CCDC112: variants seen among roughly 807,000 people sequenced by gnomAD.
CCDC112 encodes the protein coiled-coil domain containing 112, also known as coiled-coil domain-containing protein 112.
Under a neutral mutation model 66.3 loss-of-function variants are expected in CCDC112, and 40 were observed. That is an observed-to-expected ratio of 0.60 (90% CI 0.47 to 0.79). The LOEUF is 0.79. Among genes scored for constraint, CCDC112 ranks in the 30% least tolerant of loss-of-function variants. CCDC112 has a pLI of 0.00. For missense variants in CCDC112, 659 were observed against 603.8 expected (o/e 1.09, Z -0.96); for synonymous variants, 214 against 197.2 (o/e 1.09, Z -0.71).
At chr5:115,296,380 A>C in intron 1 of CCDC112, 47 bp downstream of exon 1, 2 of 1,538,280 alleles carry the variant, frequency 1.3e-6, no homozygotes, top group African/African-American at 2.9e-5. Context: ...CAGGGCCTGC[A>C]GCCCCTCGCC....
intron 1 of CCDC112, among the ~76,000 whole-genome samples, chr5:115,288,785 T>C (rs1169745813): frequency 2.0e-5 from 3 of 152,150 alleles, no homozygotes; most frequent in Non-Finnish European, 4.4e-5. Flanking sequence ...TACCAAAAAA[T>C]AAACAACCAG....
chr5:115,281,025 A>AC (rs553181047), intron 2 of CCDC112, among the ~76,000 whole-genome samples: 1 of 140,336 alleles, frequency 7.1e-6, no homozygotes, highest in East Asian at 2.1e-4. Flanking sequence ...TACATAGAGA[A>AC]TTTTTTTTTT....
chr5:115,278,042 C>A (rs866101811), intron 3 of CCDC112, among the ~76,000 whole-genome samples: 5 of 152,090 alleles, frequency 3.3e-5, no homozygotes, highest in Admixed American at 2.6e-4. Context: ...TATATGACAA[C>A]TTTGGCTTGT....
At position 115,290,883 on chromosome 5, in the gene CCDC112, G is replaced by T. The variant is rs553936016; in HGVS notation, c.117+5544C>A. ...ATTAGTTTTCTAGTAAGTTTTTTTT[G>T]TGTGTGTGTGAATCCCTTAGAATTT... On this transcript the variant is annotated intron_variant, in intron 1 of 9. Transcript: ENST00000379611. Among the ~76,000 whole-genome samples the T allele has an allele frequency of 1.1e-3, 161 of 151,746 alleles. 1 individual carries two copies. Among genetic ancestry groups the T allele is most frequent in the Non-Finnish European group, 1.8e-3 (125 of 67,824 alleles).
At chr5:115,284,995 G>T (rs1749617087) in intron 1 of CCDC112, 87 bp from the exon 2 acceptor site, 1 of 1,277,440 alleles carries the variant, frequency 7.8e-7, no homozygotes, top group African/African-American at 1.5e-5. Context: ...AATGTCAATA[G>T]TTGAGTTTCT....
intron 2 of CCDC112, 82 bp from the exon 3 acceptor site, chr5:115,279,850 G>A (rs139710151): frequency 3.6e-5 from 27 of 753,788 alleles, no homozygotes; most frequent in Middle Eastern, 4.0e-4. Context: ...TCAATAATCC[G>A]TATTTTATAT....
At chr5:115,271,895 G>A (rs75742647) in intron 6 of CCDC112, among the ~76,000 whole-genome samples, 4,543 of 150,050 alleles carry the variant, frequency 0.03, 119 homozygotes, top group Middle Eastern at 0.062. Flanking sequence ...TACAACTCAT[G>A]AATGATCCTT....
At position 115,291,885 on chromosome 5, in the gene CCDC112, C is replaced by T. The variant is rs527683532; in HGVS notation, c.117+4542G>A. On this transcript the variant is annotated intron_variant, in intron 1 of 9. Transcript: ENST00000379611. ...AGCTGTTAATCTTATTGAGGAATTC[C>T]TTATATGTAATGAACTGTTTCTTTC... is the stretch of plus-strand genomic sequence containing the variant. Among the ~76,000 whole-genome samples, 4 of 152,130 alleles carry T rather than the reference C, an allele frequency of 2.6e-5. No homozygotes were observed. In the South Asian group the frequency reaches 8.3e-4, roughly 32 times the overall value.
At chr5:115,286,561 C>T (rs1258320107) in intron 1 of CCDC112, among the ~76,000 whole-genome samples, 1 of 152,128 alleles carries the variant, frequency 6.6e-6, no homozygotes, top group Non-Finnish European at 1.5e-5. Flanking sequence ...ATATACCTAG[C>T]AGCAGAATTT....
At chr5:115,270,358 C>T (rs536627581) in intron 7 of CCDC112, among the ~76,000 whole-genome samples, 1 of 152,280 alleles carries the variant, frequency 6.6e-6, no homozygotes, top group African/African-American at 2.4e-5. Flanking sequence ...ATGCACATAA[C>T]AATTCATAAA....
At chr5:115,283,253 T>C (rs945001397) in intron 2 of CCDC112, among the ~76,000 whole-genome samples, 6 of 152,096 alleles carry the variant, frequency 3.9e-5, no homozygotes, top group African/African-American at 7.2e-5. Context: ...ACTTGTACCC[T>C]TTGACCAACA....
chr5:115,285,050 C>T lies in CCDC112; in HGVS notation c.118-142G>A, dbSNP rs1749619410. On this transcript the variant is annotated intron_variant, in intron 1 of 9. Transcript: ENST00000379611. ...CAATCTCACTTAACTCTTAAAAGTA[C>T]ATTTGTGGAAGAAGGAGTATCTATC... The T allele has an allele frequency of 4.6e-6, 3 of 655,406 alleles. No homozygotes were observed. In the East Asian group the frequency reaches 8.1e-5, roughly 18 times the overall value. 40.6% of individuals were successfully genotyped at this position (655,406 alleles called of 1,614,324 possible). A position where few individuals can be genotyped will look rare whatever the true frequency, so the allele number is the denominator to read the frequency against.
intron 3 of CCDC112, 48 bp from the exon 4 acceptor site, chr5:115,277,102 G>A (rs775462235): frequency 8.7e-7 from 1 of 1,150,326 alleles, no homozygotes; most frequent in Non-Finnish European, 1.3e-6. Flanking sequence ...GACAAATGTG[G>A]TTACAATTCA....
At chr5:115,293,788 A>T (rs944458236) in intron 1 of CCDC112, among the ~76,000 whole-genome samples, 3 of 152,208 alleles carry the variant, frequency 2.0e-5, no homozygotes, top group Non-Finnish European at 4.4e-5. Flanking sequence ...AATAGTTATT[A>T]TTGAAGGGTT....
intron 6 of CCDC112, 66 bp from the exon 7 acceptor site, chr5:115,271,692 A>C: frequency 2.0e-6 from 2 of 990,184 alleles, no homozygotes; most frequent in Non-Finnish European, 2.9e-6. Flanking sequence ...AAGTATTTTA[A>C]AATACATCAA....
At chr5:115,272,488 T>C (rs1172759343) in intron 6 of CCDC112, among the ~76,000 whole-genome samples, 1 of 152,176 alleles carries the variant, frequency 6.6e-6, no homozygotes, top group South Asian at 2.1e-4. Flanking sequence ...ATCTATAAAA[T>C]GGTAGGTAGG....
intron 1 of CCDC112, 46 bp downstream of exon 1, chr5:115,296,381 G>GC: frequency 6.5e-7 from 1 of 1,540,728 alleles, no homozygotes; most frequent in Non-Finnish European, 8.7e-7. Flanking sequence ...AGGGCCTGCA[G>GC]CCCCTCGCCT....
chr5:115,279,029 G>C (rs1308414886), intron 3 of CCDC112, among the ~76,000 whole-genome samples: 1 of 152,076 alleles, frequency 6.6e-6, no homozygotes, highest in African/African-American at 2.4e-5. Context: ...GTAACATTCA[G>C]TACACTATTG....
intron 9 of CCDC112, among the ~76,000 whole-genome samples, chr5:115,268,414 T>G (rs1159184275): frequency 6.6e-5 from 10 of 151,806 alleles, no homozygotes; most frequent in Admixed American, 3.9e-4. Flanking sequence ...GGACTACAGG[T>G]GCACACCACC....
Sources: allele counts gnomAD v4.1 joint callset (sites outside exome capture counted in the v4.1 genomes callset), GRCh38; gene constraint gnomAD v4.1.1; transcripts MANE v1.5; gene names NCBI Gene and HGNC (gene_info 2026-07-23, HGNC 2026-07-21).